Variants in CABP2 observed in about 807,000 individuals in gnomAD.
CABP2 encodes the protein calcium-binding protein 2.
A neutral mutation model predicts 28.6 loss-of-function variants in CABP2; 25 were observed. The ratio of observed to expected loss-of-function variants is 0.87; its 90% CI spans 0.64 to 1.22. CABP2 has a LOEUF of 1.22. Ranked by LOEUF, CABP2 falls within the 50% of genes most tolerant of loss-of-function variation. The pLI, the probability that CABP2 is intolerant of heterozygous loss-of-function variation, is 0.00. For missense variants in CABP2, 310 were observed against 312.2 expected (o/e 0.99, Z 0.05); for synonymous variants, 138 against 126.0 (o/e 1.09, Z -0.64).
intron 2 of CABP2, 41 bp from the exon 3 acceptor site, chr11:67,522,023 G>C (rs762338446): frequency 6.3e-7 from 1 of 1,592,420 alleles, no homozygotes; most frequent in Non-Finnish European, 8.6e-7. Context: ...TGCTCCTACT[G>C]ATGACTGTGC....
At chr11:67,523,186 C>A (rs1029049967) in intron 1 of CABP2, 99 bp downstream of exon 1, 91 of 981,612 alleles carry the variant, frequency 9.3e-5, no homozygotes, top group Non-Finnish European at 1.3e-4. Flanking sequence ...TGGGCAGCCC[C>A]CAACCCCGCC....
At position 67,521,979 on chromosome 11, in the gene CABP2, G is replaced by A. The variant is rs779763116; in HGVS notation, c.217C>T (p.Arg73Trp). 4.6e-5 allele frequency: 72 copies of A among 1,573,050 alleles called. No homozygotes were observed. The highest frequency in any genetic ancestry group is 5.9e-5 in the Non-Finnish European group (68 of 1,155,780). Reference sequence around the variant, plus strand: ...TCAATCTCCTCGGGCCGCAGCTCCCGGTCCTGAAGGGCACAGAGGGGTTAG... The same window carrying A: ...TCAATCTCCTCGGGCCGCAGCTCCCAGTCCTGAAGGGCACAGAGGGGTTAG... ...RPSIAATQLDRELRPEEIEEL... is the reference protein window; with the variant it reads ...RPSIAATQLDWELRPEEIEEL... Residue 73 changes from arginine to tryptophan, a missense_variant, in exon 3 of 7, where the codon CGG (arginine) becomes TGG (tryptophan). Arg to Trp is a moderately radical substitution (Grantham distance 101). Transcript: ENST00000294288.
chr11:67,521,508 TCTA>T (rs1866747416), intron 3 of CABP2, among the ~76,000 whole-genome samples: 1 of 152,202 alleles, frequency 6.6e-6, no homozygotes, highest in Non-Finnish European at 1.5e-5. Context: ...AAGCCATCCC[TCTA>T]CATGTGGCCT....
chr11:67,521,217 C>T lies in CABP2; in HGVS notation c.245-58G>A. On this transcript the variant is annotated intron_variant, in intron 3 of 6. Transcript: ENST00000294288. ...ACAACCCCCTGATCCTGGCCTGGAC[C>T]CGCCTACCCTTCTCCCTTGGTCCAA... is the stretch of plus-strand genomic sequence containing the variant. 3 of 1,557,308 alleles carry T rather than the reference C, an allele frequency of 1.9e-6. No individual in the cohort carries two copies. The Admixed American group carries it at 5.4e-5, about 28-fold the overall frequency.
chr11:67,519,180 C>T lies in CABP2; in HGVS notation c.638-16G>A. 1 of 1,613,824 alleles carries T rather than the reference C, an allele frequency of 6.2e-7. No individual in the cohort carries two copies. The highest frequency in any genetic ancestry group is 8.5e-7 in the Non-Finnish European group (1 of 1,179,946). On this transcript the variant is annotated splice_polypyrimidine_tract_variant and intron_variant, in intron 6 of 6. Coordinates refer to ENST00000294288, the MANE Select transcript of CABP2 (RefSeq NM_016366.3). The stretch of plus-strand genomic sequence containing the variant: ...CGCACAAACTCTGCCAGGACGAAGC[C>T]AAGGTTTTGGGTCTGTTCTCTGGAC...
intron 1 of CABP2, 104 bp from the exon 2 acceptor site, chr11:67,522,820 A>T: frequency 9.2e-7 from 1 of 1,087,752 alleles, no homozygotes; most frequent in Non-Finnish European, 1.3e-6. Flanking sequence ...GGAGCCCGGC[A>T]TGGGACAGTA....
chr11:67,521,013 C>T lies in CABP2; in HGVS notation c.379+12G>A, dbSNP rs200339707. 41 of 1,611,678 alleles carry T rather than the reference C, an allele frequency of 2.5e-5. No individual in the cohort carries two copies. The highest frequency in any genetic ancestry group is 5.0e-5 in the Admixed American group (3 of 59,934). Reference sequence around the variant, plus strand: ...GGAGGACTGGGGATGGGGATGGGTCCGAGGCACATACTGATTTGTTGTGAG... The same window carrying T: ...GGAGGACTGGGGATGGGGATGGGTCTGAGGCACATACTGATTTGTTGTGAG... On this transcript the variant is annotated intron_variant, in intron 4 of 6. Transcript: ENST00000294288.
Position 67,523,167 on chromosome 11 carries a change from C to T in CABP2, c.42+118G>A, listed in dbSNP as rs894193552. 16 of 774,258 alleles carry T rather than the reference C, an allele frequency of 2.1e-5. No homozygotes were observed. In the African/African-American group the frequency reaches 2.5e-4, roughly 12 times the overall value. The allele number at this position is 774,258 out of a possible 1,614,324, so 48.0% of individuals were successfully genotyped here. On this transcript the variant is annotated intron_variant, in intron 1 of 6. Transcript: ENST00000294288. ...TGGCTTCCAGGAAAAAAATCTCCACCTGGGGCAGTGGGCAGCCCCCAACCC... is the reference window on the plus strand; with the variant it reads ...TGGCTTCCAGGAAAAAAATCTCCACTTGGGGCAGTGGGCAGCCCCCAACCC...
intron 2 of CABP2, 69 bp from the exon 3 acceptor site, chr11:67,522,051 C>A: frequency 7.0e-7 from 1 of 1,427,072 alleles, no homozygotes; most frequent in East Asian, 2.3e-5. Context: ...TCTTGCTTCC[C>A]GGGGCTCCCC....
intron 1 of CABP2, among the ~76,000 whole-genome samples, chr11:67,523,075 G>C (rs1866774322): frequency 6.6e-6 from 1 of 152,220 alleles, no homozygotes. Context: ...GGCAGCTGGG[G>C]GACCTGGAGC....
rs1406308864 is a variant in CABP2 at position 67,519,930 on chromosome 11, T to C, written c.500A>G (p.Asn167Ser). 4 of 1,608,294 alleles carry C rather than the reference T, an allele frequency of 2.5e-6. No homozygotes were observed. Among genetic ancestry groups the C allele is most frequent in the East Asian group, 2.2e-5 (1 of 44,846 alleles). ...GCCCACGCTGATGCGGCCGTCCCCATTGGTGTCGAACTGTGGCGGCGTTGG... is the reference window on the plus strand; with the variant it reads ...GCCCACGCTGATGCGGCCGTCCCCACTGGTGTCGAACTGTGGCGGCGTTGG... ...LRDAFREFDT[N>S]GDGRISVGEL... Residue 167 changes from asparagine to serine, a missense_variant, in exon 6 of 7, where the codon AAT (asparagine) becomes AGT (serine). By Grantham distance (46) the Asn-to-Ser change is conservative (BLOSUM62 1). Coordinates refer to ENST00000294288, the MANE Select transcript of CABP2 (RefSeq NM_016366.3).
In CABP2 at chr11:67,521,140, C is replaced by T. The variant is rs773183544; in HGVS notation, c.264G>A (p.Gln88=). The T allele has an allele frequency of 2.5e-6, 4 of 1,613,052 alleles. No homozygotes were observed. In the East Asian group the frequency reaches 6.7e-5, roughly 27 times the overall value. ...EEIEELQVAF[Q]EFDRDRDGYI... The stretch of plus-strand genomic sequence containing the variant: ...AGCCGTCCCGGTCTCGGTCAAACTC[C>T]TGGAAGGCGACCTGCAGCTCTGCCA... Residue 88 remains glutamine, a synonymous_variant, in exon 4 of 7, where the codon CAG becomes CAA. Coordinates refer to ENST00000294288, the MANE Select transcript of CABP2 (RefSeq NM_016366.3).
At chr11:67,522,518 A>T in intron 2 of CABP2, 28 bp downstream of exon 2, 1 of 1,552,966 alleles carries the variant, frequency 6.4e-7, no homozygotes, top group African/African-American at 1.4e-5. Context: ...AAGGGCAGGC[A>T]GGCTGGCGGG....
Position 67,523,364 on chromosome 11 carries a change from G to A in CABP2, c.-38C>T. The A allele has an allele frequency of 6.5e-7, 1 of 1,530,484 alleles. No individual in the cohort carries two copies. The allele number at this position is 1,530,484 out of a possible 1,614,324, so 94.8% of individuals were successfully genotyped here. ...ATGCCAGGCCTGGAACCCCGGGGGT[G>A]GCCCGGGTGGGCCTCGGCGGATGCT... On this transcript the variant is annotated 5_prime_UTR_variant, in exon 1 of 7. Transcript: ENST00000294288.
rs751020438 is a variant in CABP2 at position 67,519,125 on chromosome 11, G to C, written c.*14C>G. ...CCTTGAGTCCTTTATGCTGCCTCCA[G>C]CTTCTGTACAGGCTCACCGAGACAT... On this transcript the variant is annotated 3_prime_UTR_variant, in exon 7 of 7. Transcript: ENST00000294288. The C allele has an allele frequency of 1.2e-6, 2 of 1,613,942 alleles. No individual in the cohort carries two copies. The highest frequency in any genetic ancestry group is 1.7e-6 in the Non-Finnish European group (2 of 1,179,908).
At chr11:67,523,217 C>G in intron 1 of CABP2, 68 bp downstream of exon 1, 1 of 1,306,994 alleles carries the variant, frequency 7.7e-7, no homozygotes. Context: ...AGGGCTCTGC[C>G]CATCCCATCT....
Position 67,522,700 on chromosome 11 carries a change from A to C in CABP2, c.59T>G (p.Leu20Arg), listed in dbSNP as rs983839082. Residue 20 changes from leucine to arginine, a missense_variant, in exon 2 of 7, where the codon CTC becomes CGC. Transcript: ENST00000294288. ...GCAGGAGCCCCTTGGTGGGGAGCCG[A>C]GCCACTGCAAGGGGTCCTGCAGCAG... ...RRGPKDPLQW[L>R]GSPPRGSCPS... 78 of 1,507,690 alleles carry C rather than the reference A, an allele frequency of 5.2e-5. No homozygotes were observed. The highest frequency in any genetic ancestry group is 6.7e-5 in the Non-Finnish European group (75 of 1,124,148). The allele number at this position is 1,507,690 out of a possible 1,614,324, so 93.4% of individuals were successfully genotyped here. A position where few individuals can be genotyped will look rare whatever the true frequency, so the allele number is the denominator to read the frequency against.
intron 4 of CABP2, 127 bp downstream of exon 4, chr11:67,520,898 G>GA: frequency 9.6e-7 from 1 of 1,036,732 alleles, no homozygotes; most frequent in Non-Finnish European, 1.4e-6. Flanking sequence ...CTTGCCTTGA[G>GA]AATGACCAAG....
chr11:67,520,153 T>G lies in CABP2; in HGVS notation c.387A>C (p.Gly129=). 6.2e-7 allele frequency: 1 copy of G among 1,612,484 alleles called. No individual in the cohort carries two copies. Among genetic ancestry groups the G allele is most frequent in the Non-Finnish European group, 8.5e-7 (1 of 1,178,694 alleles). Residue 129 remains glycine, a synonymous_variant, in exon 5 of 7, where the codon GGA becomes GGC. Transcript: ENST00000294288. The stretch of plus-strand genomic sequence containing the variant: ...CCACGAAGTCTTCAAAGTCCACCTT[T>G]CCGCCACCTGGGGGTCCCGTCCATT... ...LIEISQQISG[G]KVDFEDFVEL... is the part of the protein sequence containing the mutation.
Sources: allele counts gnomAD v4.1 joint callset (sites outside exome capture counted in the v4.1 genomes callset), GRCh38; gene constraint gnomAD v4.1.1; transcripts MANE v1.5; gene names NCBI Gene and HGNC (gene_info 2026-07-23, HGNC 2026-07-21).